The following HLCS variants were observed in gnomAD, a reference collection of about 807,000 sequenced individuals.
The protein encoded by HLCS is biotin--protein ligase.
Under a neutral mutation model 75.0 loss-of-function variants are expected in HLCS, and 53 were observed. The ratio of observed to expected loss-of-function variants is 0.71; its 90% CI spans 0.57 to 0.89. The LOEUF is 0.89. Among genes scored for constraint, HLCS ranks in the 40% least tolerant of loss-of-function variants. HLCS has a pLI of 0.00. For synonymous variants in HLCS, 431 were observed against 428.6 expected, an observed-to-expected ratio of 1.01 and a Z score of -0.07; for missense variants, 966 against 1,074.0, an observed-to-expected ratio of 0.90 and a Z score of 1.41.
In HLCS at chr21:36,868,829, GA is replaced by G. The variant is rs559083099; in HGVS notation, c.1892+28030del. On this transcript the variant is annotated intron_variant, in intron 6 of 10. Coordinates refer to ENST00000674895, the MANE Select transcript of HLCS (RefSeq NM_001352514.2). The stretch of plus-strand genomic sequence containing the variant: ...AGTTGTCCCCATCTCAGGGTCTCCG[GA>G]ACCTGGGAGAAGTCCATCCACCCTA... Among the ~76,000 whole-genome samples, 371 of 152,206 alleles carry G rather than the reference GA, an allele frequency of 2.4e-3. 2 individuals carry two copies. Among genetic ancestry groups the G allele is most frequent in the African/African-American group, 8.5e-3 (351 of 41,528 alleles).
intron 2 of HLCS, chr21:36,946,066 G>A (rs2146577437): frequency 1.0e-6 from 1 of 977,670 alleles, no homozygotes; most frequent in East Asian, 1.1e-4. Flanking sequence ...TGGGCCACAA[G>A]GGTGCTCTTA....
chr21:36,827,700 C>T (rs1383358703), intron 6 of HLCS, among the ~76,000 whole-genome samples: 1 of 152,000 alleles, frequency 6.6e-6, no homozygotes, highest in East Asian at 1.9e-4. Flanking sequence ...TCACTTACAA[C>T]TTGAGTGTGC....
At chr21:36,938,782 G>A (rs1308294539) in intron 3 of HLCS, 50 bp downstream of exon 3, 3 of 1,585,862 alleles carry the variant, frequency 1.9e-6, no homozygotes, top group Non-Finnish European at 2.6e-6. Context: ...GGGATTACAG[G>A]CATGAGCCAC....
At chr21:36,891,495 C>G (rs1485289238) in intron 6 of HLCS, among the ~76,000 whole-genome samples, 1 of 152,126 alleles carries the variant, frequency 6.6e-6, no homozygotes, top group Non-Finnish European at 1.5e-5. Context: ...AAAAATGCAG[C>G]CTGATATGGA....
intron 6 of HLCS, among the ~76,000 whole-genome samples, chr21:36,894,086 G>T (rs1569157380): frequency 6.6e-6 from 1 of 152,276 alleles, no homozygotes; most frequent in East Asian, 1.9e-4. Context: ...TCTCATGATA[G>T]TGAGTTCTCA....
At chr21:36,779,859 G>A (rs904938071) in intron 6 of HLCS, among the ~76,000 whole-genome samples, 1 of 151,860 alleles carries the variant, frequency 6.6e-6, no homozygotes, top group Middle Eastern at 3.4e-3. Flanking sequence ...GTTCAGAGTC[G>A]GAACTGTACA....
At chr21:36,934,472 T>G (rs946450071) in intron 4 of HLCS, among the ~76,000 whole-genome samples, 2 of 152,240 alleles carry the variant, frequency 1.3e-5, no homozygotes, top group African/African-American at 4.8e-5. Flanking sequence ...TTAAAATCCC[T>G]TTTAAAGATT....
At chr21:36,970,465 T>C (rs1371864735), upstream of HLCS, among the ~76,000 whole-genome samples, 1 of 152,114 alleles carries the variant, frequency 6.6e-6, no homozygotes, top group Non-Finnish European at 1.5e-5. Context: ...ACTCCTGAGC[T>C]CAAGCCATCT....
In HLCS at chr21:36,898,315, G is replaced by A. The variant is rs546313217; in HGVS notation, c.1621-1184C>T. On this transcript the variant is annotated intron_variant, in intron 5 of 10. Transcript: ENST00000674895. ...ACAAAAACTTGCCAGGCATGGTGGC[G>A]GGTGCCTGTAATCCCAGCTACTCAG... 2.5e-4 allele frequency among the ~76,000 whole-genome samples: 38 copies of A among 151,762 alleles called. 2 individuals carry two copies. In the South Asian group the frequency reaches 7.9e-3, roughly 32 times the overall value.
intron 2 of HLCS, among the ~76,000 whole-genome samples, chr21:36,941,203 C>A (rs1192245069): frequency 6.6e-6 from 1 of 152,132 alleles, no homozygotes; most frequent in Non-Finnish European, 1.5e-5. Context: ...AAGAGCAAGA[C>A]TCTGTCTCAA....
upstream of HLCS, among the ~76,000 whole-genome samples, chr21:36,967,696 C>T (rs905557153): frequency 1.5e-4 from 23 of 152,316 alleles, no homozygotes; most frequent in African/African-American, 4.1e-4. Flanking sequence ...ATGTACACCA[C>T]GTCCATGTCT....
intron 2 of HLCS, 91 bp downstream of exon 2, chr21:36,961,945 C>T (rs2068313736): frequency 1.3e-6 from 1 of 788,804 alleles, no homozygotes; most frequent in Non-Finnish European, 1.7e-6. Context: ...CAGAGCAAGA[C>T]TCTGTCTCAG....
At chr21:36,877,526 T>C (rs2064032742) in intron 6 of HLCS, among the ~76,000 whole-genome samples, 1 of 152,190 alleles carries the variant, frequency 6.6e-6, no homozygotes, top group African/African-American at 2.4e-5. Context: ...TATAGGTCCA[T>C]TTACCACCCC....
chr21:36,960,342 C>G (rs1224510959), intron 2 of HLCS, among the ~76,000 whole-genome samples: 1 of 152,100 alleles, frequency 6.6e-6, no homozygotes, highest in Non-Finnish European at 1.5e-5. Flanking sequence ...TGAAACGACA[C>G]CCCAAGGATC....
At chr21:36,903,701 A>G (rs1486963866) in intron 5 of HLCS, among the ~76,000 whole-genome samples, 1 of 152,244 alleles carries the variant, frequency 6.6e-6, no homozygotes, top group East Asian at 1.9e-4. Flanking sequence ...TACATCATTC[A>G]TTTAAGAAAC....
rs2089299667 is a variant in HLCS at position 36,749,447 on chromosome 21, ACTTT to A, written c.*4795_*4798del. ...CCAACTGCTCTCAAAATGTGAACTG[ACTTT>A]TTTTTTTTTTTTTTTGCCAACCCTG... is the stretch of plus-strand genomic sequence containing the variant. On this transcript the variant is annotated 3_prime_UTR_variant, in exon 11 of 11. Coordinates refer to ENST00000674895, the MANE Select transcript of HLCS (RefSeq NM_001352514.2). The A allele has an allele frequency of 1.4e-5, 1 of 70,050 alleles. No homozygotes were observed. Among genetic ancestry groups the A allele is most frequent in the African/African-American group, 8.2e-5 (1 of 12,176 alleles). The allele number at this position is 70,050 out of a possible 1,614,324, so 4.3% of individuals were successfully genotyped here. A position where few individuals can be genotyped will look rare whatever the true frequency, so the allele number is the denominator to read the frequency against.
chr21:36,826,505 T>G (rs2146027647), intron 6 of HLCS, among the ~76,000 whole-genome samples: 1 of 152,342 alleles, frequency 6.6e-6, no homozygotes, highest in East Asian at 1.9e-4. Flanking sequence ...TTTTCTTGCC[T>G]TCATGCTTCC....
chr21:36,835,638 C>T (rs1460398791), intron 6 of HLCS, among the ~76,000 whole-genome samples: 1 of 152,174 alleles, frequency 6.6e-6, no homozygotes, highest in Non-Finnish European at 1.5e-5. Flanking sequence ...CCTCCCTGCT[C>T]TCCCGAGTTT....
intron 2 of HLCS, among the ~76,000 whole-genome samples, chr21:36,953,832 T>C (rs945020552): frequency 1.3e-5 from 2 of 152,168 alleles, no homozygotes; most frequent in African/African-American, 2.4e-5. Flanking sequence ...AATACAGTCA[T>C]GTACCACATA....
Sources: allele counts gnomAD v4.1 joint callset (sites outside exome capture counted in the v4.1 genomes callset), GRCh38; gene constraint gnomAD v4.1.1; transcripts MANE v1.5; gene names NCBI Gene and HGNC (gene_info 2026-07-23, HGNC 2026-07-21).